GYS2: variants seen among roughly 807,000 people sequenced by gnomAD.
GYS2 encodes the protein glycogen synthase 2, also known as glycogen [starch] synthase, liver.
GYS2 carries 80 observed loss-of-function variants against 85.6 expected under a neutral mutation model. That is an observed-to-expected ratio of 0.93 (90% CI 0.78 to 1.13). GYS2 has a LOEUF of 1.13. Among genes scored for constraint, GYS2 ranks in the 50% most tolerant of loss-of-function variants. The pLI, the probability that GYS2 is intolerant of heterozygous loss-of-function variation, is 0.00. For synonymous variants in GYS2, 328 were observed against 300.7 expected (o/e 1.09, Z -0.94); for missense variants, 881 against 854.9 (o/e 1.03, Z -0.38).
At chr12:21,561,133 A>G (rs1196442729) in intron 7 of GYS2, among the ~76,000 whole-genome samples, 3 of 152,182 alleles carry the variant, frequency 2.0e-5, no homozygotes, top group Non-Finnish European at 4.4e-5. Context: ...ATATACTACT[A>G]ATAATCATGT....
At chr12:21,537,853 G>GA (rs201187739) in intron 15 of GYS2, among the ~76,000 whole-genome samples, 3,136 of 152,222 alleles carry the variant, frequency 0.021, 63 homozygotes, top group Non-Finnish European at 0.029. Flanking sequence ...GAAACCAGAT[G>GA]AAAAAACATG....
chr12:21,571,076 G>C (rs1171924856), intron 4 of GYS2, among the ~76,000 whole-genome samples: 1 of 152,166 alleles, frequency 6.6e-6, no homozygotes, highest in East Asian at 1.9e-4. Flanking sequence ...TGGACATTTA[G>C]AGATGGGAAG....
At position 21,562,938 on chromosome 12, in the gene GYS2, T is replaced by C; in HGVS notation, c.1042A>G (p.Arg348Gly). 2 of 1,611,104 alleles carry C rather than the reference T, an allele frequency of 1.2e-6. No homozygotes were observed. The highest frequency in any genetic ancestry group is 2.7e-5 in the African/African-American group (2 of 74,882). Reference sequence around the variant, plus strand: ...CTTACCCTCAGCAGGAAATTTAGCCTGGATAAGGATTCTAGGAAGATGTCA... The same window carrying C: ...CTTACCCTCAGCAGGAAATTTAGCCCGGATAAGGATTCTAGGAAGATGTCA... ...GADIFLESLS[R>G]LNFLLRMHKS... Residue 348 changes from arginine (R) to glycine (G), a missense_variant, in exon 7 of 16, where the codon AGG becomes GGG. Arg to Gly is a moderately radical substitution (Grantham distance 125, BLOSUM62 -2). Transcript: ENST00000261195.
intron 12 of GYS2, among the ~76,000 whole-genome samples, chr12:21,543,985 G>A (rs1335734258): frequency 1.3e-5 from 2 of 152,082 alleles, no homozygotes; most frequent in Non-Finnish European, 2.9e-5. Flanking sequence ...AATTCACTAT[G>A]TAGTAATATT....
chr12:21,596,960 C>A (rs1381400926), intron 1 of GYS2, among the ~76,000 whole-genome samples: 1 of 152,052 alleles, frequency 6.6e-6, no homozygotes, highest in Non-Finnish European at 1.5e-5. Context: ...CCAACAGCAA[C>A]CAAATGGAGA....
intron 12 of GYS2, among the ~76,000 whole-genome samples, chr12:21,545,643 G>T (rs567524791): frequency 6.6e-6 from 1 of 151,868 alleles, no homozygotes; most frequent in Non-Finnish European, 1.5e-5. Context: ...ATGCCAGTTC[G>T]GTCCAGAAAA....
chr12:21,551,781 A>C (rs1944113796), intron 11 of GYS2, among the ~76,000 whole-genome samples: 1 of 152,196 alleles, frequency 6.6e-6, no homozygotes, highest in Non-Finnish European at 1.5e-5. Context: ...ACTACAAAAA[A>C]AGACAAAAGA....
chr12:21,599,110 C>A (rs1483229446), intron 1 of GYS2, among the ~76,000 whole-genome samples: 10 of 151,916 alleles, frequency 6.6e-5, no homozygotes, highest in South Asian at 2.1e-4. Flanking sequence ...CTGTCTCTCT[C>A]TCTATATATA....
chr12:21,579,039 C>T lies in GYS2; in HGVS notation c.303+1303G>A, dbSNP rs560535077. Among the ~76,000 whole-genome samples the T allele has an allele frequency of 5.3e-5, 8 of 152,092 alleles. No homozygotes were observed. The East Asian group carries it at 7.7e-4, about 15-fold the overall frequency. On this transcript the variant is annotated intron_variant, in intron 2 of 15. Coordinates refer to ENST00000261195, the MANE Select transcript of GYS2 (RefSeq NM_021957.4). ...TTAACCCACTGAAATGAGATTTAAC[C>T]TTCCTTTCTCCTCTGAAACTGTACT...
intron 2 of GYS2, among the ~76,000 whole-genome samples, chr12:21,578,433 C>A (rs1366913896): frequency 6.6e-6 from 1 of 152,190 alleles, no homozygotes; most frequent in East Asian, 1.9e-4. Context: ...TATTCAACTT[C>A]CTGCACCATC....
chr12:21,600,329 T>C (rs533986994), intron 1 of GYS2, among the ~76,000 whole-genome samples: 1 of 152,220 alleles, frequency 6.6e-6, no homozygotes, highest in Non-Finnish European at 1.5e-5. Flanking sequence ...GGTCTCCCTA[T>C]GTTCCCCAGG....
chr12:21,591,808 C>T (rs566368493), intron 1 of GYS2, among the ~76,000 whole-genome samples: 1 of 152,038 alleles, frequency 6.6e-6, no homozygotes, highest in Non-Finnish European at 1.5e-5. Context: ...TCAGCAGAAA[C>T]CTCACAGGCC....
chr12:21,570,073 A>T (rs1239035383), intron 4 of GYS2, among the ~76,000 whole-genome samples: 1 of 152,216 alleles, frequency 6.6e-6, no homozygotes, highest in Non-Finnish European at 1.5e-5. Context: ...TTATGGCATC[A>T]TATAGAGAAA....
chr12:21,571,734 G>A (rs925812331), intron 4 of GYS2, among the ~76,000 whole-genome samples: 1 of 152,098 alleles, frequency 6.6e-6, no homozygotes, highest in Non-Finnish European at 1.5e-5. Flanking sequence ...AGGCTGAGGC[G>A]GGCGGATGAC....
chr12:21,600,456 T>C (rs1034890342), intron 1 of GYS2, among the ~76,000 whole-genome samples: 1 of 151,268 alleles, frequency 6.6e-6, no homozygotes, highest in Admixed American at 6.6e-5. Context: ...TGGTGGGGGG[T>C]AGGAGAAAAA....
intron 5 of GYS2, among the ~76,000 whole-genome samples, chr12:21,564,731 C>T (rs559737690): frequency 1.3e-5 from 2 of 152,122 alleles, no homozygotes; most frequent in African/African-American, 4.8e-5. Context: ...TATCTTTCTA[C>T]AGCAATTATG....
intron 11 of GYS2, among the ~76,000 whole-genome samples, chr12:21,556,421 G>A (rs972437144): frequency 2.0e-4 from 31 of 151,988 alleles, no homozygotes; most frequent in African/African-American, 6.8e-4. Context: ...TCCACCTACC[G>A]CAACCTCCCA....
At chr12:21,582,637 ATAT>A (rs1944525857) in intron 1 of GYS2, among the ~76,000 whole-genome samples, 1 of 135,574 alleles carries the variant, frequency 7.4e-6, no homozygotes, top group Admixed American at 7.5e-5. Context: ...AGATATAGAT[ATAT>A]ATCTCCTATT....
At position 21,574,261 on chromosome 12, in the gene GYS2, T is replaced by C. The variant is rs769181974; in HGVS notation, c.561A>G (p.Gly187=). ...AQFHEWQAGI[G]LILSRARKLP... Reference sequence around the variant, plus strand: ...GTTTCCTGGCTCGAGAAAGGATCAGTCCAATTCCAGCCTGCCATTCATGGA... The same window carrying C: ...GTTTCCTGGCTCGAGAAAGGATCAGCCCAATTCCAGCCTGCCATTCATGGA... Residue 187 remains glycine (G), a synonymous_variant, in exon 4 of 16, where the codon GGA becomes GGG. Coordinates refer to ENST00000261195, the MANE Select transcript of GYS2 (RefSeq NM_021957.4). The C allele has an allele frequency of 1.7e-5, 27 of 1,613,576 alleles. No homozygotes were observed. Among genetic ancestry groups the C allele is most frequent in the Non-Finnish European group, 2.1e-5 (25 of 1,179,630 alleles).
Sources: allele counts gnomAD v4.1 joint callset (sites outside exome capture counted in the v4.1 genomes callset), GRCh38; gene constraint gnomAD v4.1.1; transcripts MANE v1.5; gene names NCBI Gene and HGNC (gene_info 2026-07-23, HGNC 2026-07-21).